ELAVL3: variants seen among roughly 807,000 people sequenced by gnomAD.
ELAVL3 encodes the protein ELAV-like protein 3.
In ELAVL3, 8 loss-of-function variants were observed where a neutral mutation model predicts 34.2. The ratio of observed to expected loss-of-function variants is 0.23; its 90% confidence interval spans 0.14 to 0.42. The LOEUF is 0.42. ELAVL3 is among the 10% of genes least tolerant of loss of function. ELAVL3 has a pLI of 1.00. For synonymous variants in ELAVL3, 209 were observed against 222.1 expected (o/e 0.94, Z 0.53); for missense variants, 273 against 518.8 (o/e 0.53, Z 4.60).
chr19:11,457,051 G>A, intron 6 of ELAVL3, 59 bp downstream of exon 6: 3 of 1,408,588 alleles, frequency 2.1e-6, no homozygotes, highest in Non-Finnish European at 2.8e-6. Context: ...AGCTGGGGAG[G>A]GGTGCATCAG....
chr19:11,463,090 G>T (rs1970925624), intron 3 of ELAVL3, among the ~76,000 whole-genome samples: 1 of 152,146 alleles, frequency 6.6e-6, no homozygotes, highest in Non-Finnish European at 1.5e-5. Flanking sequence ...TGGGTTGAGG[G>T]ATTAGATTTG....
At chr19:11,476,327 C>T (rs1352066509) in intron 1 of ELAVL3, among the ~76,000 whole-genome samples, 6 of 152,058 alleles carry the variant, frequency 3.9e-5, no homozygotes, top group Non-Finnish European at 8.8e-5. Context: ...TCATTTAAGC[C>T]TAGGAGTTTG....
At chr19:11,475,320 TC>T (rs780277645) in intron 1 of ELAVL3, among the ~76,000 whole-genome samples, 21 of 152,206 alleles carry the variant, frequency 1.4e-4, no homozygotes, top group Non-Finnish European at 2.9e-4. Context: ...CAGTCCTGGA[TC>T]TGTTTGCAGA....
chr19:11,473,238 G>A (rs1471411526), intron 1 of ELAVL3, among the ~76,000 whole-genome samples: 5 of 150,900 alleles, frequency 3.3e-5, no homozygotes, highest in Non-Finnish European at 5.9e-5. Flanking sequence ...GGTGGCGGGC[G>A]CCTGTAGTCC....
At chr19:11,469,482 G>A (rs1340386280) in intron 1 of ELAVL3, among the ~76,000 whole-genome samples, 1 of 151,204 alleles carries the variant, frequency 6.6e-6, no homozygotes, top group African/African-American at 2.4e-5. Context: ...GTTTCTCCAT[G>A]TTGGTCACAC....
Position 11,458,395 on chromosome 19 carries a change from T to C in ELAVL3, c.487+63A>G. 6.2e-7 allele frequency: 1 copy of C among 1,609,396 alleles called. No homozygotes were observed. The highest frequency in any genetic ancestry group is 8.5e-7 in the Non-Finnish European group (1 of 1,177,336). ...GGCATCTTGGTCGGTTTCCCCACGT[T>C]GGTCCCACCTGACTGCCTTTGCCCA... is the stretch of plus-strand genomic sequence containing the variant. On this transcript the variant is annotated intron_variant, in intron 4 of 6. Transcript: ENST00000359227. The surrounding 1 kb of genome is among the most constrained non-coding windows in gnomAD (Gnocchi z 7.3).
At chr19:11,464,165 A>ATTTT (rs1463453278) in intron 3 of ELAVL3, among the ~76,000 whole-genome samples, 24 of 111,056 alleles carry the variant, frequency 2.2e-4, no homozygotes, top group African/African-American at 9.9e-4. Context: ...ATATATATAT[A>ATTTT]TATTTTTTTT....
intron 6 of ELAVL3, among the ~76,000 whole-genome samples, chr19:11,455,734 T>C (rs1970755338): frequency 1.3e-5 from 2 of 152,096 alleles, no homozygotes; most frequent in South Asian, 4.1e-4. Context: ...CACCCGGCTT[T>C]CCTTTTCAAA....
chr19:11,470,780 A>G (rs1971148117), intron 1 of ELAVL3, among the ~76,000 whole-genome samples: 1 of 152,230 alleles, frequency 6.6e-6, no homozygotes. Flanking sequence ...CTGAAGTCAC[A>G]TAGCCTATCT....
At chr19:11,465,144 ATACACAC>A (rs1971013971) in intron 3 of ELAVL3, among the ~76,000 whole-genome samples, 2 of 145,238 alleles carry the variant, frequency 1.4e-5, no homozygotes, top group African/African-American at 5.1e-5. Flanking sequence ...ACACATACAC[ATACACAC>A]CACACACATA....
At position 11,466,589 on chromosome 19, in the gene ELAVL3, G is replaced by C; in HGVS notation, c.229+19C>G. On this transcript the variant is annotated intron_variant, in intron 2 of 6. Coordinates refer to ENST00000359227, the MANE Select transcript of ELAVL3 (RefSeq NM_001420.4). This position sits in a 1 kb window ranked among gnomAD's most constrained non-coding sequence, Gnocchi z 5.0. ...GAGGCTACCACCTCTGTTCCTCCCCGCAACTCCAGCAGCCACACCTGTGAT... is the reference window on the plus strand; with the variant it reads ...GAGGCTACCACCTCTGTTCCTCCCCCCAACTCCAGCAGCCACACCTGTGAT... 1 of 1,612,260 alleles carries C rather than the reference G, an allele frequency of 6.2e-7. No individual in the cohort carries two copies. Among genetic ancestry groups the C allele is most frequent in the South Asian group, 1.1e-5 (1 of 90,980 alleles).
chr19:11,462,510 G>A (rs185103581), intron 3 of ELAVL3, among the ~76,000 whole-genome samples: 9 of 151,906 alleles, frequency 5.9e-5, no homozygotes, highest in African/African-American at 2.2e-4. Context: ...GGTGGCGGGC[G>A]CCTGTAATCC....
Position 11,480,755 on chromosome 19 carries a change from C to T in ELAVL3, c.-147G>A. ...AGATGTGGCGATGAAGGCGGCGGCTCCCTCGAGGGCCAGGGACGGGCCCGA... is the reference window on the plus strand; with the variant it reads ...AGATGTGGCGATGAAGGCGGCGGCTTCCTCGAGGGCCAGGGACGGGCCCGA... On this transcript the variant is annotated 5_prime_UTR_variant, in exon 1 of 7. Coordinates refer to ENST00000359227, the MANE Select transcript of ELAVL3 (RefSeq NM_001420.4). This position sits in a 1 kb window ranked among gnomAD's most constrained non-coding sequence, Gnocchi z 6.8. The T allele has an allele frequency of 2.8e-6, 2 of 715,704 alleles. No individual in the cohort carries two copies. The highest frequency in any genetic ancestry group is 4.0e-6 in the Non-Finnish European group (2 of 497,540). 44.3% of individuals were successfully genotyped at this position (715,704 alleles called of 1,614,324 possible). A position where few individuals can be genotyped will look rare whatever the true frequency, so the allele number is the denominator to read the frequency against.
intron 3 of ELAVL3, among the ~76,000 whole-genome samples, chr19:11,461,910 G>A (rs545762811): frequency 7.2e-5 from 11 of 152,060 alleles, no homozygotes; most frequent in Admixed American, 2.0e-4. Context: ...GCGCGGTGGC[G>A]CACGCCTGTA....
At position 11,456,357 on chromosome 19, in the gene ELAVL3, G is replaced by A. The variant is rs311790; in HGVS notation, c.752+753C>T. Among the ~76,000 whole-genome samples, 382 of 152,154 alleles carry A rather than the reference G, an allele frequency of 2.5e-3. 5 individuals carry two copies. Among genetic ancestry groups the A allele is most frequent in the Middle Eastern group, 0.014 (4 of 294 alleles). On this transcript the variant is annotated intron_variant, in intron 6 of 6. Coordinates refer to ENST00000359227, the MANE Select transcript of ELAVL3 (RefSeq NM_001420.4). ...CTGACCTCGTGATCCGCCTGCCTCG[G>A]CTTCCCAAAGTGCTGGGATTACAGG...
rs538969956 is a variant in ELAVL3 at position 11,464,935 on chromosome 19, A to G, written c.333+1237T>C. ...CACACCACACACACACCACACATAT[A>G]CACACACCACACACACCACACACAC... On this transcript the variant is annotated intron_variant, in intron 3 of 6. Coordinates refer to ENST00000359227, the MANE Select transcript of ELAVL3 (RefSeq NM_001420.4). Among the ~76,000 whole-genome samples the G allele has an allele frequency of 1.2e-4, 15 of 125,794 alleles. No homozygotes were observed. The East Asian group carries it at 3.6e-3, about 30-fold the overall frequency. 82.5% of individuals were successfully genotyped at this position (125,794 alleles called of 152,430 possible). A position where few individuals can be genotyped will look rare whatever the true frequency, so the allele number is the denominator to read the frequency against.
intron 5 of ELAVL3, 114 bp from the exon 6 acceptor site, chr19:11,457,262 C>T (rs1473627502): frequency 1.5e-5 from 18 of 1,163,270 alleles, no homozygotes; most frequent in Non-Finnish European, 2.0e-5. Context: ...GAGCCCTGCC[C>T]CCGCCTGCCT....
intron 3 of ELAVL3, among the ~76,000 whole-genome samples, chr19:11,460,640 C>T (rs943241676): frequency 2.6e-5 from 4 of 152,066 alleles, no homozygotes; most frequent in African/African-American, 7.2e-5. Flanking sequence ...TGCCTGTTCT[C>T]TCTGCCTGGA....
rs963347519 is a variant in ELAVL3, at chr19:11,454,204, G to A, written c.*322C>T. The A allele has an allele frequency of 1.9e-5, 5 of 269,566 alleles. No individual in the cohort carries two copies. The highest frequency in any genetic ancestry group is 2.8e-5 in the Non-Finnish European group (4 of 141,084). 16.7% of individuals were successfully genotyped at this position (269,566 alleles called of 1,614,324 possible). A position where few individuals can be genotyped will look rare whatever the true frequency, so the allele number is the denominator to read the frequency against. On this transcript the variant is annotated 3_prime_UTR_variant, in exon 7 of 7. Coordinates refer to ENST00000359227, the MANE Select transcript of ELAVL3 (RefSeq NM_001420.4). The surrounding 1 kb of genome is among the most constrained non-coding windows in gnomAD (Gnocchi z 9.2). ...GGGGTGGTCGAGGGTGGGGGTGGGG[G>A]CACATCTCTGCATTCTTTTTAGCCG...
Sources: gnomAD v4.1 joint callset for allele counts (sites outside exome capture counted in the v4.1 genomes callset) on GRCh38, gnomAD v4.1.1 for gene constraint, Gnocchi (gnomAD v3.1) non-coding constraint, MANE v1.5 for transcripts, NCBI Gene and HGNC (gene_info 2026-07-23, HGNC 2026-07-21) for gene names.